Variants in BCKDHB observed in about 807,000 individuals in gnomAD.
BCKDHB encodes the protein 2-oxoisovalerate dehydrogenase subunit beta, mitochondrial.
A neutral mutation model predicts 48.5 loss-of-function variants in BCKDHB; 41 were observed. The ratio of observed to expected loss-of-function variants is 0.85; its 90% confidence interval spans 0.66 to 1.10. The LOEUF is 1.10. Among genes scored for constraint, BCKDHB ranks in the 50% least tolerant of loss-of-function variants. The pLI, the probability that BCKDHB is intolerant of heterozygous loss-of-function variation, is 0.00. For missense variants in BCKDHB, 496 were observed against 494.2 expected (o/e 1.00, Z -0.03); for synonymous variants, 201 against 174.8 (o/e 1.15, Z -1.18).
At chr6:80,434,433 A>G in the BCKDHB span, among the ~76,000 whole-genome samples, 4 of 150,682 alleles carry the variant, frequency 2.7e-5, no homozygotes, top group African/African-American at 9.8e-5. Flanking sequence ...TAATTTTATC[A>G]CCTCTGTCCT....
At chr6:80,269,001 C>G (rs2127959384) in intron 8 of BCKDHB, among the ~76,000 whole-genome samples, 1 of 152,118 alleles carries the variant, frequency 6.6e-6, no homozygotes, top group East Asian at 1.9e-4. Context: ...GCTAAGAATG[C>G]AATAGCATAA....
Position 80,291,416 on chromosome 6 carries a change from A to G in BCKDHB, c.1038+18195A>G, listed in dbSNP as rs139963535. 9.2e-5 allele frequency among the ~76,000 whole-genome samples: 14 copies of G among 152,348 alleles called. No individual in the cohort carries two copies. The East Asian group carries it at 2.5e-3, about 27-fold the overall frequency. ...GACAGAATGTGATATCTGGAATATT[A>G]ATAAGTATTTAAGAAAACATTCAGT... On this transcript the variant is annotated intron_variant, in intron 9 of 9. Transcript: ENST00000320393.
intron 9 of BCKDHB, among the ~76,000 whole-genome samples, chr6:80,331,451 G>A (rs1022884178): frequency 3.3e-5 from 5 of 152,096 alleles, no homozygotes; most frequent in African/African-American, 1.2e-4. Context: ...ATTCTTGTGA[G>A]CTATGGAGCT....
chr6:80,462,185 T>C, the BCKDHB span, among the ~76,000 whole-genome samples: 25 of 152,190 alleles, frequency 1.6e-4, no homozygotes, highest in Admixed American at 1.6e-3. Context: ...TCTTGTTACT[T>C]CTATGAGATC....
At chr6:80,141,528 T>C (rs1771212392) in intron 3 of BCKDHB, among the ~76,000 whole-genome samples, 1 of 152,100 alleles carries the variant, frequency 6.6e-6, no homozygotes, top group African/African-American at 2.4e-5. Flanking sequence ...CTCTTTGACA[T>C]TTTAAGTATC....
chr6:80,358,851 A>T, the BCKDHB span, among the ~76,000 whole-genome samples: 1 of 152,236 alleles, frequency 6.6e-6, no homozygotes, highest in Non-Finnish European at 1.5e-5. Context: ...ACTTTAAAAT[A>T]GTAAATTTTA....
rs2127823243 is a variant in BCKDHB at position 80,200,962 on chromosome 6, C to T, written c.771C>T (p.Asn257=). 6.2e-7 allele frequency: 1 copy of T among 1,611,922 alleles called. No homozygotes were observed. The highest frequency in any genetic ancestry group is 1.1e-5 in the South Asian group (1 of 91,034). The part of the protein sequence containing the change: ...AAEEVPIEPY[N]IPLSQAEVIQ... ...AAGAAGTCCCTATAGAACCATACAA[C>T]ATCCCACTGTCCCAGGCCGAAGTCA... Residue 257 remains asparagine, a synonymous_variant, in exon 7 of 10, where the codon AAC becomes AAT. Transcript: ENST00000320393.
At chr6:80,380,215 C>T in the BCKDHB span, among the ~76,000 whole-genome samples, 43 of 152,050 alleles carry the variant, frequency 2.8e-4, no homozygotes, top group South Asian at 1.7e-3. Flanking sequence ...ATAAAAACTG[C>T]GTGGTACTGG....
At chr6:80,382,892 G>A in the BCKDHB span, among the ~76,000 whole-genome samples, 2 of 152,038 alleles carry the variant, frequency 1.3e-5, no homozygotes, top group Admixed American at 6.6e-5. Context: ...ACTCATTTCA[G>A]TCATTTGTTA....
At chr6:80,399,418 A>G in the BCKDHB span, among the ~76,000 whole-genome samples, 1 of 152,164 alleles carries the variant, frequency 6.6e-6, no homozygotes, top group Non-Finnish European at 1.5e-5. Flanking sequence ...TACAAAAGCA[A>G]TGTGCAAAAA....
intron 8 of BCKDHB, among the ~76,000 whole-genome samples, chr6:80,208,407 G>A (rs1249864751): frequency 6.6e-6 from 1 of 151,628 alleles, no homozygotes; most frequent in East Asian, 1.9e-4. Flanking sequence ...TTAATGATCT[G>A]AATTTCCATC....
chr6:80,210,486 T>C (rs1370852304), intron 8 of BCKDHB, among the ~76,000 whole-genome samples: 2 of 152,112 alleles, frequency 1.3e-5, no homozygotes, highest in African/African-American at 4.8e-5. Context: ...AACAGTTTCT[T>C]GTTCTGAGTG....
chr6:80,144,987 G>C (rs953470424), intron 3 of BCKDHB, among the ~76,000 whole-genome samples: 1 of 152,162 alleles, frequency 6.6e-6, no homozygotes, highest in Non-Finnish European at 1.5e-5. Context: ...TACAGGATCA[G>C]AGAATAGGCA....
chr6:80,235,863 A>T (rs374222269), intron 8 of BCKDHB, among the ~76,000 whole-genome samples: 2 of 152,208 alleles, frequency 1.3e-5, no homozygotes, highest in African/African-American at 4.8e-5. Flanking sequence ...AACTTTGTTC[A>T]GTGAGCACCG....
chr6:80,394,972 C>T, the BCKDHB span, among the ~76,000 whole-genome samples: 3 of 152,136 alleles, frequency 2.0e-5, no homozygotes, highest in African/African-American at 7.2e-5. Context: ...CTCCTGCTGC[C>T]TTGTGAAGGA....
intron 9 of BCKDHB, among the ~76,000 whole-genome samples, chr6:80,291,876 T>A (rs1330661280): frequency 6.6e-6 from 1 of 152,220 alleles, no homozygotes; most frequent in East Asian, 1.9e-4. Flanking sequence ...ATACTTGGCC[T>A]ATTTGTATAA....
chr6:80,115,781 C>T (rs756473159), intron 1 of BCKDHB, among the ~76,000 whole-genome samples: 2 of 152,070 alleles, frequency 1.3e-5, no homozygotes, highest in East Asian at 1.9e-4. Flanking sequence ...GAACTACAGG[C>T]GCCTGCCACC....
intron 1 of BCKDHB, among the ~76,000 whole-genome samples, chr6:80,110,230 A>G (rs958362692): frequency 1.3e-5 from 2 of 152,078 alleles, no homozygotes; most frequent in Non-Finnish European, 2.9e-5. Context: ...CATTGTATGG[A>G]TGTGAGTTTG....
At chr6:80,128,417 A>T (rs554062846) in intron 2 of BCKDHB, among the ~76,000 whole-genome samples, 2 of 152,254 alleles carry the variant, frequency 1.3e-5, no homozygotes, top group South Asian at 4.1e-4. Flanking sequence ...CTTGGGGTCG[A>T]TAAAAACTGG....
Sources: allele counts gnomAD v4.1 joint callset (sites outside exome capture counted in the v4.1 genomes callset), GRCh38; gene constraint gnomAD v4.1.1; transcripts MANE v1.5; gene names NCBI Gene and HGNC (gene_info 2026-07-23, HGNC 2026-07-21).